The following CR2 variants were observed in gnomAD, a reference collection of about 807,000 sequenced individuals.
CR2 encodes complement C3d receptor 2, also known as complement receptor type 2.
In CR2, 96 loss-of-function variants were observed where a neutral mutation model predicts 123.0. The ratio of observed to expected loss-of-function variants is 0.78; its 90% CI spans 0.66 to 0.93. The LOEUF (loss-of-function observed/expected upper bound fraction) is 0.93, where lower values mean the gene tolerates loss of function less well. CR2 is among the 40% of genes least tolerant of loss of function. CR2 has a pLI of 0.00. For synonymous variants in CR2, 484 were observed against 469.5 expected, an observed-to-expected ratio of 1.03 and a Z score of -0.40; for missense variants, 1,258 against 1,361.0, an observed-to-expected ratio of 0.92 and a Z score of 1.19.
intron 13 of CR2, 33 bp downstream of exon 13, chr1:207,474,356 T>C (rs1292127821): frequency 6.8e-7 from 1 of 1,471,396 alleles, no homozygotes; most frequent in South Asian, 1.1e-5. Flanking sequence ...CTGACAATGG[T>C]AATGGAGGAT....
chr1:207,481,030 A>T (rs1364987193), intron 18 of CR2, among the ~76,000 whole-genome samples: 1 of 152,084 alleles, frequency 6.6e-6, no homozygotes, highest in Non-Finnish European at 1.5e-5. Context: ...CCATTTGATC[A>T]AGTAATCTTT....
intron 19 of CR2, among the ~76,000 whole-genome samples, chr1:207,487,593 A>T (rs544120855): frequency 6.6e-6 from 1 of 152,362 alleles, no homozygotes; most frequent in Non-Finnish European, 1.5e-5. Context: ...AAAAAGGAGC[A>T]AATAAGTAAA....
rs761202225 is a variant in CR2 at position 207,454,805 on chromosome 1, C to T, written c.58+329C>T. 6.6e-6 allele frequency: 2 copies of T among 304,190 alleles called. No homozygotes were observed. Among genetic ancestry groups the T allele is most frequent in the Non-Finnish European group, 1.2e-5 (2 of 163,492 alleles). The allele number at this position is 304,190 out of a possible 1,614,324, so 18.8% of individuals were successfully genotyped here. On this transcript the variant is annotated intron_variant, in intron 1 of 19. Transcript: ENST00000367057. The surrounding 1 kb of genome is among the most constrained non-coding windows in gnomAD (Gnocchi z 4.3). ...CAGGATTCTGCAGGTGCTCATCGCT[C>T]TCTGGCCGGCGGTCAGCGCTACCGC...
intron 1 of CR2, among the ~76,000 whole-genome samples, chr1:207,459,966 A>C (rs1366831842): frequency 6.6e-6 from 1 of 152,174 alleles, no homozygotes; most frequent in Non-Finnish European, 1.5e-5. Flanking sequence ...TTCATCATGG[A>C]AAGTTATGCT....
At position 207,478,016 on chromosome 1, in the gene CR2, A is replaced by G; in HGVS notation, c.3034A>G (p.Ser1012Gly). 7 of 1,614,060 alleles carry G rather than the reference A, an allele frequency of 4.3e-6. No homozygotes were observed. Among genetic ancestry groups the G allele is most frequent in the Non-Finnish European group, 5.9e-6 (7 of 1,179,986 alleles). Residue 1012 changes from serine to glycine, a missense_variant, in exon 16 of 20, where the codon AGC becomes GGC. Coordinates refer to ENST00000367057, the MANE Select transcript of CR2 (RefSeq NM_001006658.3). ...GTATATGCTGGAAGGCAGTCCCCAG[A>G]GCCAGTGCCAATCGGATCACCAATG... ...DGYMLEGSPQ[S>G]QCQSDHQWNP... is the part of the protein sequence containing the mutation.
intron 16 of CR2, 54 bp downstream of exon 16, chr1:207,478,124 G>A (rs963052093): frequency 6.4e-7 from 1 of 1,569,112 alleles, no homozygotes; most frequent in Admixed American, 1.8e-5. Context: ...AGAGAAGAGA[G>A]TGAGAGTTTC....
intron 1 of CR2, among the ~76,000 whole-genome samples, chr1:207,463,624 G>A (rs893085583): frequency 6.6e-6 from 1 of 152,124 alleles, no homozygotes; most frequent in Non-Finnish European, 1.5e-5. Context: ...GTCTAGCTGG[G>A]AGATGATCAC....
At chr1:207,463,240 GT>G (rs1370175241) in intron 1 of CR2, among the ~76,000 whole-genome samples, 2 of 152,180 alleles carry the variant, frequency 1.3e-5, no homozygotes, top group African/African-American at 4.8e-5. Context: ...TAAAGGGTGA[GT>G]TGGCAGGAGA....
chr1:207,479,343 A>G, intron 17 of CR2, 63 bp downstream of exon 17: 11 of 1,167,808 alleles, frequency 9.4e-6, no homozygotes, highest in Non-Finnish European at 1.3e-5. Context: ...ATGTAATGCT[A>G]GAGGTCCTAT....
chr1:207,471,031 G>A lies in CR2; in HGVS notation c.1437G>A (p.Leu479=), dbSNP rs1357698170. The part of the protein sequence containing the change: ...AACEATGRQL[L]TKPQHQFVRP... ...GTGAAGCTACAGGAAGGCAACTCTT[G>A]ACAAAACCCCAGCACCAATTTGTTA... The change falls in exon 8 of 20, where the codon TTG becomes TTA. Residue 479 remains leucine (L), a synonymous_variant. Coordinates refer to ENST00000367057, the MANE Select transcript of CR2 (RefSeq NM_001006658.3). 6.2e-7 allele frequency: 1 copy of A among 1,613,644 alleles called. No individual in the cohort carries two copies. Among genetic ancestry groups the A allele is most frequent in the African/African-American group, 1.3e-5 (1 of 74,890 alleles).
At chr1:207,488,094 A>G (rs1658796088) in intron 19 of CR2, among the ~76,000 whole-genome samples, 1 of 152,216 alleles carries the variant, frequency 6.6e-6, no homozygotes, top group Admixed American at 6.5e-5. Flanking sequence ...CCCATGAGAA[A>G]GTGGGGATGA....
At chr1:207,473,213 T>C (rs1658339387) in intron 10 of CR2, 34 bp downstream of exon 10, 4 of 1,608,944 alleles carry the variant, frequency 2.5e-6, no homozygotes, top group African/African-American at 1.3e-5. Flanking sequence ...AAAGGAGAGA[T>C]TTACTTAATT....
At chr1:207,467,000 G>A (rs1032980) in intron 2 of CR2, 88 bp downstream of exon 2, 2 of 1,434,318 alleles carry the variant, frequency 1.4e-6, no homozygotes, top group Non-Finnish European at 1.9e-6. Flanking sequence ...AGGACAAACA[G>A]TGTGAACATG....
intron 1 of CR2, among the ~76,000 whole-genome samples, chr1:207,464,242 T>C (rs1248485703): frequency 6.6e-6 from 1 of 152,204 alleles, no homozygotes; most frequent in Non-Finnish European, 1.5e-5. Context: ...ACTTCCTATT[T>C]AGAATCATCT....
chr1:207,474,997 G>C lies in CR2; in HGVS notation c.2497G>C (p.Gly833Arg). ...TTCTAAAGGACATGGATCTTGGAGC[G>C]GGCCTTCCCCACAGTGCTTACGATC... ...SDSKGHGSWS[G>R]PSPQCLRSPP... Residue 833 changes from glycine to arginine, a missense_variant, in exon 14 of 20, where the codon GGG (glycine) becomes CGG (arginine). Transcript: ENST00000367057. 1 of 1,614,054 alleles carries C rather than the reference G, an allele frequency of 6.2e-7. No individual in the cohort carries two copies. Among genetic ancestry groups the C allele is most frequent in the Non-Finnish European group, 8.5e-7 (1 of 1,179,974 alleles).
In CR2 at chr1:207,469,879, C is replaced by G. The variant is rs370404803; in HGVS notation, c.1002C>G (p.Thr334=). 2 of 1,613,864 alleles carry G rather than the reference C, an allele frequency of 1.2e-6. No individual in the cohort carries two copies. The highest frequency in any genetic ancestry group is 1.7e-6 in the Non-Finnish European group (2 of 1,179,946). Residue 334 remains threonine (T), a synonymous_variant, in exon 6 of 20, where the codon ACC becomes ACG. Transcript: ENST00000367057. ...CAGTTGATAGTCAGAAGACTGGGAC[C>G]TGGAGTGGCCCTGCCCCACGCTGTG... ...RCTVDSQKTG[T]WSGPAPRCEL...
chr1:207,477,802 ATCTT>A (rs1444249935), intron 15 of CR2, 79 bp from the exon 16 acceptor site: 8 of 1,286,268 alleles, frequency 6.2e-6, no homozygotes, highest in East Asian at 5.0e-5. Flanking sequence ...GGTTTTATAA[ATCTT>A]TCTATTAAGG....
rs751467897 is a variant in CR2 at position 207,473,615 on chromosome 1, G to A, written c.2049G>A (p.Gly683=). The A allele has an allele frequency of 6.2e-7, 1 of 1,613,964 alleles. No individual in the cohort carries two copies. Among genetic ancestry groups the A allele is most frequent in the South Asian group, 1.1e-5 (1 of 91,080 alleles). Residue 683 remains glycine (G), a synonymous_variant, in exon 11 of 20, where the codon GGG becomes GGA. Coordinates refer to ENST00000367057, the MANE Select transcript of CR2 (RefSeq NM_001006658.3). Reference sequence around the variant, plus strand: ...GAAATACGGTCTTCTTTGTCTCTGGGATGACTGTAGACTACACTTGTGACC... The same window carrying A: ...GAAATACGGTCTTCTTTGTCTCTGGAATGACTGTAGACTACACTTGTGACC... ...TGGNTVFFVS[G]MTVDYTCDPG...
chr1:207,476,978 G>A (rs1323826786), intron 15 of CR2, among the ~76,000 whole-genome samples: 1 of 152,194 alleles, frequency 6.6e-6, no homozygotes, highest in Non-Finnish European at 1.5e-5. Flanking sequence ...GCCACATGAG[G>A]TTGGTGCCAT....
Sources: allele counts gnomAD v4.1 joint callset (sites outside exome capture counted in the v4.1 genomes callset), GRCh38; gene constraint gnomAD v4.1.1; non-coding constraint Gnocchi (gnomAD v3.1); transcripts MANE v1.5; gene names NCBI Gene and HGNC (gene_info 2026-07-23, HGNC 2026-07-21).